Variants in UGGT2 observed in about 807,000 individuals in gnomAD.
UGGT2 encodes the protein UDP-glucose:glycoprotein glucosyltransferase 2.
Under a neutral mutation model 192.1 loss-of-function variants are expected in UGGT2, and 180 were observed. The observed-to-expected ratio is 0.94, with a 90% CI of 0.83 to 1.06. UGGT2 has a LOEUF of 1.06. Ranked by LOEUF, UGGT2 falls within the 50% of genes least tolerant of loss-of-function variation. UGGT2 has a pLI of 0.00. For missense variants in UGGT2, 1,849 were observed against 1,795.7 expected, an observed-to-expected ratio of 1.03 and a Z score of -0.54; for synonymous variants, 580 against 591.0, an observed-to-expected ratio of 0.98 and a Z score of 0.27.
intron 1 of UGGT2, among the ~76,000 whole-genome samples, chr13:96,037,604 A>G (rs2053042931): frequency 6.6e-6 from 1 of 152,324 alleles, no homozygotes; most frequent in Admixed American, 6.5e-5. Flanking sequence ...TTCCAGGATG[A>G]ACTGAAAAAT....
At chr13:95,914,747 G>A (rs1196428952) in intron 20 of UGGT2, among the ~76,000 whole-genome samples, 1 of 151,636 alleles carries the variant, frequency 6.6e-6, no homozygotes, top group African/African-American at 2.4e-5. Context: ...AGGATGCAGT[G>A]AGCCGAGACT....
In UGGT2 at chr13:95,900,996, AT is replaced by A. The variant is rs1164880100; in HGVS notation, c.2503-59del. The A allele has an allele frequency of 4.1e-6, 5 of 1,227,600 alleles. No individual in the cohort carries two copies. The African/African-American group carries it at 7.8e-5, about 19-fold the overall frequency. 76.0% of individuals were successfully genotyped at this position (1,227,600 alleles called of 1,614,324 possible). A position where few individuals can be genotyped will look rare whatever the true frequency, so the allele number is the denominator to read the frequency against. On this transcript the variant is annotated intron_variant, in intron 21 of 38. Transcript: ENST00000376747. The stretch of plus-strand genomic sequence containing the variant: ...ATGAGAACAGTAAATATATTAAATC[AT>A]TTTGTTTAAAAAACTAATATTAGTA...
intron 7 of UGGT2, among the ~76,000 whole-genome samples, chr13:95,993,741 G>C (rs1446426860): frequency 1.3e-5 from 2 of 152,050 alleles, no homozygotes; most frequent in African/African-American, 4.8e-5. Context: ...TCATCACCAG[G>C]AGAACCACCC....
intron 15 of UGGT2, among the ~76,000 whole-genome samples, chr13:95,944,858 T>C (rs564242346): frequency 6.6e-6 from 1 of 152,172 alleles, no homozygotes; most frequent in South Asian, 2.1e-4. Flanking sequence ...ATATTTTTAC[T>C]GATTTTTAAT....
At position 96,053,377 on chromosome 13, in the gene UGGT2, G is replaced by T. The variant is rs980453017; in HGVS notation, c.-65C>A. 6.5e-7 allele frequency: 1 copy of T among 1,528,774 alleles called. No homozygotes were observed. The highest frequency in any genetic ancestry group is 2.5e-5 in the East Asian group (1 of 39,258). The allele number at this position is 1,528,774 out of a possible 1,614,324, so 94.7% of individuals were successfully genotyped here. On this transcript the variant is annotated 5_prime_UTR_variant, in exon 1 of 39. Coordinates refer to ENST00000376747, the MANE Select transcript of UGGT2 (RefSeq NM_020121.4). ...CCACAGTCTGTGGCCGCCACGCTTC[G>T]GCCGGCTCTTCCCGCTGCGCGGCTG...
At chr13:95,918,625 T>C (rs1290380720) in intron 20 of UGGT2, among the ~76,000 whole-genome samples, 2 of 152,044 alleles carry the variant, frequency 1.3e-5, no homozygotes, top group African/African-American at 2.4e-5. Flanking sequence ...AATAGACCAC[T>C]AGCTACACTG....
At chr13:96,048,814 T>C (rs969263822) in intron 1 of UGGT2, among the ~76,000 whole-genome samples, 2 of 152,056 alleles carry the variant, frequency 1.3e-5, no homozygotes. Context: ...AATACACCAA[T>C]AACAGGCTCT....
At position 96,010,885 on chromosome 13, in the gene UGGT2, T is replaced by C. The variant is rs74515137; in HGVS notation, c.660+2422A>G. Among the ~76,000 whole-genome samples the C allele has an allele frequency of 9.8e-4, 149 of 152,280 alleles. 4 individuals carry two copies. The East Asian group carries it at 0.023, about 23-fold the overall frequency. On this transcript the variant is annotated intron_variant, in intron 5 of 38. Coordinates refer to ENST00000376747, the MANE Select transcript of UGGT2 (RefSeq NM_020121.4). The stretch of plus-strand genomic sequence containing the variant: ...TGATCTCAAGGCTATCAAGGTAAAG[T>C]AATCAAGCAGTGTAGTATTGATGTT...
At chr13:95,843,280 C>A (rs1471743004) in intron 36 of UGGT2, among the ~76,000 whole-genome samples, 1 of 152,162 alleles carries the variant, frequency 6.6e-6, no homozygotes, top group Non-Finnish European at 1.5e-5. Flanking sequence ...CCTTTCAACA[C>A]TTGGTATGGT....
intron 30 of UGGT2, among the ~76,000 whole-genome samples, chr13:95,864,249 C>T (rs1198764451): frequency 2.6e-5 from 4 of 152,058 alleles, no homozygotes; most frequent in Admixed American, 6.6e-5. Context: ...CTATGATTTC[C>T]TTCTACCTCC....
At chr13:95,937,730 G>A (rs1477334451) in intron 16 of UGGT2, among the ~76,000 whole-genome samples, 1 of 152,110 alleles carries the variant, frequency 6.6e-6, no homozygotes, top group Non-Finnish European at 1.5e-5. Context: ...TTCTTTTAGG[G>A]AGTCATACTA....
chr13:95,832,751 A>G (rs563894976), intron 38 of UGGT2, 176 bp downstream of exon 38: 3 of 870,768 alleles, frequency 3.4e-6, no homozygotes, highest in East Asian at 2.9e-5. Context: ...CAGATTATCT[A>G]TGTTTTAAAC....
intron 38 of UGGT2, chr13:95,832,692 A>C (rs1555336094): frequency 1.7e-6 from 1 of 599,014 alleles, no homozygotes; most frequent in South Asian, 1.4e-5. Flanking sequence ...CTAATGTTAC[A>C]CTATCTATCC....
At chr13:95,902,800 A>G (rs2048146953) in intron 21 of UGGT2, 54 bp downstream of exon 21, 1 of 1,512,058 alleles carries the variant, frequency 6.6e-7, no homozygotes, top group African/African-American at 1.4e-5. Flanking sequence ...AAATACACTC[A>G]CACTTTTAAA....
chr13:95,807,172 G>T (rs1177285098), intron 38 of UGGT2, among the ~76,000 whole-genome samples: 2 of 152,150 alleles, frequency 1.3e-5, no homozygotes, highest in Non-Finnish European at 2.9e-5. Flanking sequence ...GGAAGCTAGA[G>T]AAAATGTTAA....
chr13:95,833,223 T>A (rs1886918134), intron 37 of UGGT2, among the ~76,000 whole-genome samples, 170 bp from the exon 38 acceptor site: 1 of 152,184 alleles, frequency 6.6e-6, no homozygotes, highest in African/African-American at 2.4e-5. Flanking sequence ...ACAACTTATG[T>A]ATGTAATAAT....
intron 28 of UGGT2, 45 bp downstream of exon 28, chr13:95,877,653 T>A: frequency 6.4e-7 from 1 of 1,564,482 alleles, no homozygotes; most frequent in African/African-American, 1.4e-5. Flanking sequence ...AACAGAGAAT[T>A]CACCAAAACA....
In UGGT2 at chr13:95,877,829, C is replaced by T. The variant is rs750855898; in HGVS notation, c.3256G>A (p.Glu1086Lys). ...DTEKTVTAEYELEYLLLEGQC... is the reference protein window; with the variant it reads ...DTEKTVTAEYKLEYLLLEGQC... Reference sequence around the variant, plus strand: ...CCTTCCAGTAGTAAGTATTCTAGTTCATATTCTGCTGTAACAGTTTTCTCA... The same window carrying T: ...CCTTCCAGTAGTAAGTATTCTAGTTTATATTCTGCTGTAACAGTTTTCTCA... Residue 1086 changes from glutamate to lysine, a missense_variant, in exon 28 of 39, where the codon GAA becomes AAA. Transcript: ENST00000376747. The T allele has an allele frequency of 2.5e-6, 4 of 1,613,618 alleles. No homozygotes were observed. The highest frequency in any genetic ancestry group is 4.5e-5 in the East Asian group (2 of 44,834).
chr13:95,962,026 T>C (rs1023915086), intron 12 of UGGT2, among the ~76,000 whole-genome samples: 1 of 152,114 alleles, frequency 6.6e-6, no homozygotes, highest in Non-Finnish European at 1.5e-5. Context: ...ATAAAAAATG[T>C]CTTGAAACAA....
Sources: allele counts gnomAD v4.1 joint callset (sites outside exome capture counted in the v4.1 genomes callset), GRCh38; gene constraint gnomAD v4.1.1; transcripts MANE v1.5; gene names NCBI Gene and HGNC (gene_info 2026-07-23, HGNC 2026-07-21).